CDH10: variants seen among roughly 807,000 people sequenced by gnomAD.
The protein encoded by CDH10 is cadherin-10.
Under a neutral mutation model 73.1 loss-of-function variants are expected in CDH10, and 30 were observed. The ratio of observed to expected loss-of-function variants is 0.41; its 90% CI spans 0.31 to 0.56. The LOEUF (loss-of-function observed/expected upper bound fraction) is 0.56, where lower values mean the gene tolerates loss of function less well. Among genes scored for constraint, CDH10 ranks in the 20% least tolerant of loss-of-function variants. The pLI is 0.27. For missense variants in CDH10, 815 were observed against 973.7 expected, an observed-to-expected ratio of 0.84 and a Z score of 2.17; for synonymous variants, 345 against 348.2, an observed-to-expected ratio of 0.99 and a Z score of 0.10.
chr5:24,638,177 T>C (rs1179200050), intron 1 of CDH10, among the ~76,000 whole-genome samples: 1 of 151,720 alleles, frequency 6.6e-6, no homozygotes, highest in East Asian at 1.9e-4. Context: ...TAAGTATCGA[T>C]AGCAAGTACT....
intron 1 of CDH10, among the ~76,000 whole-genome samples, chr5:24,642,684 T>A (rs541699388): frequency 1.3e-4 from 20 of 152,258 alleles, no homozygotes; most frequent in African/African-American, 4.8e-4. Flanking sequence ...GAACATCACC[T>A]AGAGCATTAA....
chr5:24,637,002 A>G (rs1295812869), intron 1 of CDH10, among the ~76,000 whole-genome samples: 1 of 152,016 alleles, frequency 6.6e-6, no homozygotes, highest in East Asian at 1.9e-4. Flanking sequence ...ATTTTCTTTA[A>G]TGATATGGTA....
intron 7 of CDH10, among the ~76,000 whole-genome samples, chr5:24,507,884 T>C (rs1742755968): frequency 6.6e-6 from 1 of 152,182 alleles, no homozygotes; most frequent in Non-Finnish European, 1.5e-5. Flanking sequence ...ATGTAACCTG[T>C]GATGCTGTGT....
In CDH10 at chr5:24,509,685, A is replaced by G. The variant is rs376714715; in HGVS notation, c.1137T>C (p.Asp379=). ...AGGACCTACTAAAAACAGGAGGTTCATCCACATCTTCTATAGAGATTTTCA... is the reference window on the plus strand; with the variant it reads ...AGGACCTACTAAAAACAGGAGGTTCGTCCACATCTTCTATAGAGATTTTCA... ...TIVKISIEDV[D]EPPVFSRSSY... Residue 379 remains aspartate (D), a synonymous_variant, in exon 7 of 12, where the codon GAT becomes GAC. Coordinates refer to ENST00000264463, the MANE Select transcript of CDH10 (RefSeq NM_006727.5). 6.2e-6 allele frequency: 10 copies of G among 1,613,626 alleles called. No individual in the cohort carries two copies. In the African/African-American group the frequency reaches 1.2e-4, roughly 19 times the overall value.
At chr5:24,573,679 C>A (rs1203409503) in intron 2 of CDH10, among the ~76,000 whole-genome samples, 5 of 137,254 alleles carry the variant, frequency 3.6e-5, no homozygotes, top group Non-Finnish European at 6.2e-5. Flanking sequence ...CCAGCCTGGG[C>A]GACAGAGCGA....
chr5:24,492,872 T>A lies in CDH10; in HGVS notation c.1569A>T (p.Lys523Asn), dbSNP rs1268349921. 3.1e-6 allele frequency: 5 copies of A among 1,593,818 alleles called. No homozygotes were observed. Among genetic ancestry groups the A allele is most frequent in the Non-Finnish European group, 1.7e-6 (2 of 1,161,872 alleles). Reference sequence around the variant, plus strand: ...TGACAGCAGCTAAACTGAAAAAAAATTTCTGTCCACCTAAAGGGTCATCTT... The same window carrying A: ...TGACAGCAGCTAAACTGAAAAAAAAATTCTGTCCACCTAAAGGGTCATCTT... ...VDKDDPLGGQ[K>N]FFFSLAAVNP... is the part of the protein sequence containing the mutation. The change falls in exon 10 of 12, where the codon AAA becomes AAT. Residue 523 changes from lysine to asparagine, a missense_variant. Lys to Asn is a moderately conservative substitution (Grantham distance 94). Transcript: ENST00000264463.
rs921905398 is a variant in CDH10, at chr5:24,569,512, T to C, written c.231+23748A>G. ...AAAATAAATGCTACATATGTATGCA[T>C]GTGAAAAACTCATTGAAATATTTTG... On this transcript the variant is annotated intron_variant, in intron 2 of 11. Transcript: ENST00000264463. 2.0e-5 allele frequency among the ~76,000 whole-genome samples: 3 copies of C among 152,180 alleles called. No homozygotes were observed. In the South Asian group the frequency reaches 6.2e-4, roughly 31 times the overall value.
intron 1 of CDH10, among the ~76,000 whole-genome samples, chr5:24,625,015 T>C (rs1747446656): frequency 6.6e-6 from 1 of 152,112 alleles, no homozygotes; most frequent in South Asian, 2.1e-4. Flanking sequence ...AGCCAAGCTA[T>C]CCACAAACTT....
intron 8 of CDH10, among the ~76,000 whole-genome samples, chr5:24,501,668 A>C: frequency 6.6e-6 from 1 of 152,192 alleles, no homozygotes; most frequent in East Asian, 1.9e-4. Context: ...GAAATCACAG[A>C]CATTAGAAAA....
intron 5 of CDH10, among the ~76,000 whole-genome samples, chr5:24,522,717 T>C (rs527541115): frequency 6.6e-6 from 1 of 152,094 alleles, no homozygotes; most frequent in African/African-American, 2.4e-5. Flanking sequence ...TTGGAAAACA[T>C]AACCCTGCTA....
At chr5:24,605,823 G>T (rs1746742255) in intron 1 of CDH10, among the ~76,000 whole-genome samples, 1 of 152,090 alleles carries the variant, frequency 6.6e-6, no homozygotes, top group African/African-American at 2.4e-5. Flanking sequence ...GTCCTCAAAT[G>T]GGTGAATGGG....
rs1414351440 is a variant in CDH10 at position 24,531,605 on chromosome 5, C to G, written c.814+3507G>C. On this transcript the variant is annotated intron_variant, in intron 5 of 11. Coordinates refer to ENST00000264463, the MANE Select transcript of CDH10 (RefSeq NM_006727.5). Reference sequence around the variant, plus strand: ...AGGAAAGATAGCTTGTATAGAGGAACTCCCAATTATAATACCATCGGATCT... The same window carrying G: ...AGGAAAGATAGCTTGTATAGAGGAAGTCCCAATTATAATACCATCGGATCT... Among the ~76,000 whole-genome samples the G allele has an allele frequency of 2.0e-5, 3 of 151,994 alleles. No individual in the cohort carries two copies. The South Asian group carries it at 6.2e-4, about 31-fold the overall frequency.
At chr5:24,604,109 G>C (rs1261150980) in intron 1 of CDH10, among the ~76,000 whole-genome samples, 1 of 152,186 alleles carries the variant, frequency 6.6e-6, no homozygotes, top group Admixed American at 6.5e-5. Flanking sequence ...AACCCTTTGG[G>C]AGGCAGAGGC....
At chr5:24,491,001 T>A (rs892010475) in intron 11 of CDH10, among the ~76,000 whole-genome samples, 30 of 152,274 alleles carry the variant, frequency 2.0e-4, no homozygotes, top group African/African-American at 5.8e-4. Flanking sequence ...TTCCATCTCT[T>A]CCAACCCCTA....
chr5:24,584,941 G>A (rs1229544249), intron 2 of CDH10, among the ~76,000 whole-genome samples: 1 of 151,274 alleles, frequency 6.6e-6, no homozygotes, highest in Non-Finnish European at 1.5e-5. Flanking sequence ...CAAACTCCGA[G>A]GCTCAGGTGA....
chr5:24,595,471 A>C (rs994674728), intron 1 of CDH10, among the ~76,000 whole-genome samples: 10 of 152,022 alleles, frequency 6.6e-5, no homozygotes, highest in African/African-American at 2.4e-4. Flanking sequence ...ATTGTATTTC[A>C]ATATGTCATG....
intron 2 of CDH10, among the ~76,000 whole-genome samples, chr5:24,586,884 G>T (rs1248551827): frequency 9.9e-6 from 1 of 100,786 alleles, no homozygotes; most frequent in African/African-American, 3.9e-5. Context: ...TCGCTCTGTC[G>T]CCCAGGCTGG....
intron 2 of CDH10, among the ~76,000 whole-genome samples, chr5:24,559,693 A>C (rs1276008647): frequency 6.6e-6 from 1 of 152,052 alleles, no homozygotes. Context: ...AATAATTCAT[A>C]AGTTTTTAAT....
At chr5:24,564,315 A>G (rs1456860055) in intron 2 of CDH10, among the ~76,000 whole-genome samples, 1 of 152,230 alleles carries the variant, frequency 6.6e-6, no homozygotes, top group Non-Finnish European at 1.5e-5. Context: ...ACTTTTGTGA[A>G]GAAAAGTAGA....
Sources: allele counts gnomAD v4.1 joint callset (sites outside exome capture counted in the v4.1 genomes callset), GRCh38; gene constraint gnomAD v4.1.1; transcripts MANE v1.5; gene names NCBI Gene and HGNC (gene_info 2026-07-23, HGNC 2026-07-21).